GSDMC: variants seen among roughly 807,000 people sequenced by gnomAD.
GSDMC encodes gasdermin C.
In GSDMC, 59 loss-of-function variants were observed where a neutral mutation model predicts 58.0. That is an observed-to-expected ratio of 1.02 (90% CI 0.82 to 1.26). The LOEUF (loss-of-function observed/expected upper bound fraction) is 1.26, where lower values mean the gene tolerates loss of function less well. Ranked by LOEUF, GSDMC falls within the 50% of genes most tolerant of loss-of-function variation. The probability of loss-of-function intolerance (pLI) is 0.00; values close to 1 mark genes in which losing one functional copy is unlikely to be tolerated. For missense variants in GSDMC, 659 were observed against 598.5 expected (o/e 1.10, Z -1.06); for synonymous variants, 241 against 220.2 (o/e 1.09, Z -0.83).
the GSDMC span, among the ~76,000 whole-genome samples, chr8:129,727,422 C>T: frequency 4.9e-4 from 74 of 152,104 alleles, no homozygotes; most frequent in Non-Finnish European, 9.3e-4. Flanking sequence ...GGCAAACAGC[C>T]CCCATGACAG....
chr8:129,709,803 T>C, the GSDMC span, among the ~76,000 whole-genome samples: 1 of 152,210 alleles, frequency 6.6e-6, no homozygotes, highest in East Asian at 1.9e-4. Context: ...TCCTCAAAAA[T>C]GTCAATCTCT....
At chr8:129,740,110 A>C in the GSDMC span, among the ~76,000 whole-genome samples, 65 of 152,368 alleles carry the variant, frequency 4.3e-4, no homozygotes, top group African/African-American at 1.1e-3. Context: ...ATAAGGATAT[A>C]AGAAAATGTT....
chr8:129,778,780 T>C (rs1343836815), intron 1 of GSDMC, among the ~76,000 whole-genome samples: 3 of 148,272 alleles, frequency 2.0e-5, no homozygotes, highest in African/African-American at 2.5e-5. Context: ...AAAAAAAACA[T>C]TAAGAAGTGG....
At position 129,750,809 on chromosome 8, in the gene GSDMC, T is replaced by C. The variant is rs368485833; in HGVS notation, c.944-239A>G. On this transcript the variant is annotated intron_variant, in intron 10 of 13. Transcript: ENST00000276708. ...GGAAATAGGGTACTGGGAGCAGAGA[T>C]TGAGATTCTGAAAAGACATCATCAC... Among the ~76,000 whole-genome samples the C allele has an allele frequency of 1.4e-4, 21 of 152,224 alleles. No homozygotes were observed. In the South Asian group the frequency reaches 2.3e-3, roughly 17 times the overall value.
At chr8:129,709,617 T>C in the GSDMC span, among the ~76,000 whole-genome samples, 1 of 151,684 alleles carries the variant, frequency 6.6e-6, no homozygotes, top group African/African-American at 2.4e-5. Flanking sequence ...GATAGATAGA[T>C]AGATAGATAG....
At chr8:129,740,956 T>G in the GSDMC span, among the ~76,000 whole-genome samples, 1 of 152,208 alleles carries the variant, frequency 6.6e-6, no homozygotes, top group East Asian at 1.9e-4. Flanking sequence ...TGTTTTCTTC[T>G]GGTAGCCTTG....
chr8:129,724,708 G>C, the GSDMC span, among the ~76,000 whole-genome samples: 2 of 151,986 alleles, frequency 1.3e-5, no homozygotes, highest in Admixed American at 6.6e-5. Flanking sequence ...TAGCGAAAAA[G>C]CGTTAGATAG....
chr8:129,771,783 A>T (rs1048510377), intron 3 of GSDMC, among the ~76,000 whole-genome samples: 2 of 152,254 alleles, frequency 1.3e-5, no homozygotes, highest in African/African-American at 4.8e-5. Context: ...CTGAACAACC[A>T]GTGGGTCAAA....
chr8:129,742,115 G>A, the GSDMC span, among the ~76,000 whole-genome samples: 2 of 151,946 alleles, frequency 1.3e-5, no homozygotes, highest in South Asian at 2.1e-4. Context: ...AGAGTAGGAC[G>A]GAGGTTACCA....
chr8:129,762,604 T>C (rs1399394398), intron 5 of GSDMC, 22 bp downstream of exon 5: 2 of 1,468,950 alleles, frequency 1.4e-6, no homozygotes, highest in Non-Finnish European at 1.9e-6. Flanking sequence ...CCATCTGCCT[T>C]GCTGAGCTCC....
In GSDMC at chr8:129,777,473, A is replaced by C. The variant is rs772031336; in HGVS notation, c.115T>G (p.Leu39Val). Residue 39 changes from leucine (L) to valine (V), a missense_variant, in exon 2 of 14, where the codon TTA becomes GTA. Transcript: ENST00000276708. ...GAACGAGAATCCTTCTTCTTTCGTA[A>C]TATAACAAACTGACGTAATTTGGTG... is the stretch of plus-strand genomic sequence containing the variant. The part of the protein sequence containing the change: ...SATKLRQFVI[L>V]RKKKDSRSSF... 2 of 1,612,606 alleles carry C rather than the reference A, an allele frequency of 1.2e-6. No homozygotes were observed. The highest frequency in any genetic ancestry group is 2.7e-5 in the African/African-American group (2 of 74,892).
chr8:129,785,934 C>T (rs1563821230), intron 1 of GSDMC, 77 bp downstream of exon 1: 1 of 152,214 alleles, frequency 6.6e-6, no homozygotes, highest in East Asian at 1.9e-4. Context: ...ACTCATTTCA[C>T]AAACCCATCC....
chr8:129,745,407 G>A (rs1422703319), downstream of GSDMC, among the ~76,000 whole-genome samples: 2 of 152,050 alleles, frequency 1.3e-5, no homozygotes, highest in African/African-American at 4.8e-5. Context: ...CTCTCTCATA[G>A]TGATTTTTCA....
chr8:129,784,685 A>G (rs1055078504), intron 1 of GSDMC, among the ~76,000 whole-genome samples: 1 of 152,164 alleles, frequency 6.6e-6, no homozygotes, highest in East Asian at 1.9e-4. Context: ...AACAGTTTGG[A>G]CCTTCCTCAA....
At chr8:129,763,750 G>A (rs755016164) in intron 4 of GSDMC, among the ~76,000 whole-genome samples, 16 of 151,902 alleles carry the variant, frequency 1.1e-4, no homozygotes, top group Non-Finnish European at 1.9e-4. Context: ...CTAATTTTTT[G>A]TTTATATTTT....
the GSDMC span, among the ~76,000 whole-genome samples, chr8:129,735,845 C>CA: frequency 7.9e-5 from 12 of 152,016 alleles, no homozygotes; most frequent in Admixed American, 2.0e-4. Context: ...AAAAAACCCT[C>CA]AAAAAATCAA....
chr8:129,750,618 A>G (rs761242771), intron 10 of GSDMC, 48 bp from the exon 11 acceptor site: 2 of 1,588,802 alleles, frequency 1.3e-6, no homozygotes, highest in South Asian at 1.1e-5. Context: ...CAAGTCTTTG[A>G]TTAGAACATC....
In GSDMC at chr8:129,748,374, A is replaced by G. The variant is rs2033021057; in HGVS notation, c.*127T>C. The G allele has an allele frequency of 5.7e-6, 5 of 878,586 alleles. No homozygotes were observed. The South Asian group carries it at 6.3e-5, about 11-fold the overall frequency. The allele number at this position is 878,586 out of a possible 1,614,324, so 54.4% of individuals were successfully genotyped here. A position where few individuals can be genotyped will look rare whatever the true frequency, so the allele number is the denominator to read the frequency against. On this transcript the variant is annotated 3_prime_UTR_variant, in exon 14 of 14. Transcript: ENST00000276708. The stretch of plus-strand genomic sequence containing the variant: ...AAAACATTTCCTAAAGTCTCTACCC[A>G]TTACTGTCTCTACTCCACCTGGAAA...
chr8:129,785,853 A>G (rs2034541389), intron 1 of GSDMC, among the ~76,000 whole-genome samples, 158 bp downstream of exon 1: 1 of 152,212 alleles, frequency 6.6e-6, no homozygotes, highest in South Asian at 2.1e-4. Flanking sequence ...ACATGCTATC[A>G]GGAATTCTCC....
Sources: allele counts gnomAD v4.1 joint callset (sites outside exome capture counted in the v4.1 genomes callset), GRCh38; gene constraint gnomAD v4.1.1; transcripts MANE v1.5; gene names NCBI Gene and HGNC (gene_info 2026-07-23, HGNC 2026-07-21).